Variants in OR51E2 observed in about 807,000 individuals in gnomAD.
OR51E2 encodes the protein olfactory receptor family 51 subfamily E member 2, also known as olfactory receptor 51E2.
Under a neutral mutation model 13.7 loss-of-function variants are expected in OR51E2, and 14 were observed. That is an observed-to-expected ratio of 1.02 (90% confidence interval 0.68 to 1.60). The LOEUF is 1.60. OR51E2 is among the 40% of genes most tolerant of loss of function. The pLI is 0.00. For synonymous variants in OR51E2, 180 were observed against 157.6 expected (o/e 1.14, Z -1.07); for missense variants, 483 against 413.8 (o/e 1.17, Z -1.45).
intron 1 of OR51E2, among the ~76,000 whole-genome samples, chr11:4,684,470 G>A (rs1046987922): frequency 2.0e-5 from 3 of 152,140 alleles, no homozygotes; most frequent in African/African-American, 7.2e-5. Context: ...CCTGAAGAGA[G>A]GTCAGATCAC....
chr11:4,682,879 C>T (rs1302303383), intron 1 of OR51E2, 118 bp from the exon 2 acceptor site: 1 of 648,656 alleles, frequency 1.5e-6, no homozygotes, highest in African/African-American at 1.8e-5. Context: ...GGCCCTCTTC[C>T]AAAGGCGGGA....
Position 4,681,697 on chromosome 11 carries a change from ATAATTATGTT to A in OR51E2, c.*42_*51del. On this transcript the variant is annotated 3_prime_UTR_variant, in exon 2 of 2. Transcript: ENST00000396950. ...AACTGGAAATAAGCTAGTGTTAGAA[ATAATTATGTT>A]TATCAAGCCAATAAAGATAAGGAGA... 1.3e-6 allele frequency: 2 copies of A among 1,595,754 alleles called. No individual in the cohort carries two copies. Among genetic ancestry groups the A allele is most frequent in the Non-Finnish European group, 1.7e-6 (2 of 1,166,668 alleles).
At chr11:4,693,324 A>G (rs1031034276) in intron 1 of OR51E2, among the ~76,000 whole-genome samples, 1 of 152,256 alleles carries the variant, frequency 6.6e-6, no homozygotes, top group Non-Finnish European at 1.5e-5. Flanking sequence ...GTAGGTTTGT[A>G]GTATTTGGAG....
At chr11:4,683,698 G>A (rs2133245474) in intron 1 of OR51E2, among the ~76,000 whole-genome samples, 1 of 152,306 alleles carries the variant, frequency 6.6e-6, no homozygotes, top group Non-Finnish European at 1.5e-5. Flanking sequence ...CCTGAAACTT[G>A]TGCCAACAAG....
At position 4,682,165 on chromosome 11, in the gene OR51E2, C is replaced by CA. The variant is rs745397963; in HGVS notation, c.546dup (p.Val183CysfsTer95). On this transcript the variant is annotated frameshift_variant, in exon 2 of 2. Coordinates refer to ENST00000396950, the MANE Select transcript of OR51E2 (RefSeq NM_030774.4). LOFTEE classifies it high-confidence loss of function. ...GTGTCTGCATAGGCCAACTTCATTA[C>CA]ATCCTGGTGGACACAATAGGAGTGC... 7.4e-6 allele frequency: 12 copies of CA among 1,614,118 alleles called. No homozygotes were observed. The highest frequency in any genetic ancestry group is 1.7e-5 in the Admixed American group (1 of 60,012).
intron 1 of OR51E2, chr11:4,691,761 T>A: frequency 3.0e-6 from 1 of 334,176 alleles, no homozygotes; most frequent in Non-Finnish European, 5.9e-6. Context: ...TACATTCATT[T>A]GTGTATTGAT....
chr11:4,681,946 C>A lies in OR51E2; in HGVS notation c.766G>T (p.Gly256Cys). 1 of 1,614,000 alleles carries A rather than the reference C, an allele frequency of 6.2e-7. No homozygotes were observed. Among genetic ancestry groups the A allele is most frequent in the Non-Finnish European group, 8.5e-7 (1 of 1,179,942 alleles). Reference sequence around the variant, plus strand: ...CCAAAGCGGTGTACCACTGAGAGGCCAATAAGTGGCACATAGAAGGCGAGT... The same window carrying A: ...CCAAAGCGGTGTACCACTGAGAGGCAAATAAGTGGCACATAGAAGGCGAGT... Reference protein sequence around the residue: ...VVLAFYVPLIGLSVVHRFGNS... With the variant: ...VVLAFYVPLICLSVVHRFGNS... Residue 256 changes from glycine to cysteine, a missense_variant, in exon 2 of 2, where the codon GGC becomes TGC. By Grantham distance (159) the Gly-to-Cys change is radical. Transcript: ENST00000396950.
chr11:4,692,563 T>C (rs752777640), intron 1 of OR51E2, among the ~76,000 whole-genome samples: 2 of 152,210 alleles, frequency 1.3e-5, no homozygotes, highest in South Asian at 2.1e-4. Flanking sequence ...AAACATCACA[T>C]TTCTTTTTTC....
intron 1 of OR51E2, among the ~76,000 whole-genome samples, chr11:4,693,503 C>T (rs898012643): frequency 6.6e-5 from 10 of 152,094 alleles, no homozygotes; most frequent in Non-Finnish European, 1.3e-4. Context: ...GGGCGGATCA[C>T]GAGGTCAGGA....
chr11:4,693,660 C>G (rs765134212), intron 1 of OR51E2, among the ~76,000 whole-genome samples: 7 of 152,072 alleles, frequency 4.6e-5, no homozygotes, highest in South Asian at 4.2e-4. Context: ...GGCGGAGCTT[C>G]CAGGTGAACC....
rs1216767037 is a variant in OR51E2 at position 4,680,403 on chromosome 11, TAG to T, written c.*1344_*1345del. The T allele has an allele frequency of 6.6e-6, 1 of 152,590 alleles. No individual in the cohort carries two copies. Among genetic ancestry groups the T allele is most frequent in the Non-Finnish European group, 1.5e-5 (1 of 68,042 alleles). 9.5% of individuals were successfully genotyped at this position (152,590 alleles called of 1,614,324 possible). ...TTATTCTGCATGTGTTGCCCACAAC[TAG>T]GGCAAGGTTATCTCTCATCACAAGT... On this transcript the variant is annotated 3_prime_UTR_variant, in exon 2 of 2. Coordinates refer to ENST00000396950, the MANE Select transcript of OR51E2 (RefSeq NM_030774.4).
At chr11:4,694,115 G>A (rs1370848932) in intron 1 of OR51E2, among the ~76,000 whole-genome samples, 2 of 152,048 alleles carry the variant, frequency 1.3e-5, no homozygotes, top group Non-Finnish European at 2.9e-5. Flanking sequence ...ATTGCTATTT[G>A]AATAATTTCT....
At chr11:4,688,243 G>C (rs934683031) in intron 1 of OR51E2, among the ~76,000 whole-genome samples, 5 of 152,164 alleles carry the variant, frequency 3.3e-5, no homozygotes, top group African/African-American at 1.2e-4. Flanking sequence ...GGAATTGAGG[G>C]AGAGGTGTTG....
chr11:4,693,036 C>G (rs780590864), intron 1 of OR51E2, among the ~76,000 whole-genome samples: 5 of 152,040 alleles, frequency 3.3e-5, no homozygotes, highest in Non-Finnish European at 7.3e-5. Flanking sequence ...ATGATCAAAC[C>G]TCTTAGAGAA....
rs774462623 is a variant in OR51E2 at position 4,682,615 on chromosome 11, T to C, written c.97A>G (p.Met33Val). 1.7e-5 allele frequency: 27 copies of C among 1,613,962 alleles called. No homozygotes were observed. Among genetic ancestry groups the C allele is most frequent in the Non-Finnish European group, 2.2e-5 (26 of 1,180,022 alleles). Residue 33 changes from methionine to valine, a missense_variant, in exon 2 of 2, where the codon ATG (methionine) becomes GTG (valine). Coordinates refer to ENST00000396950, the MANE Select transcript of OR51E2 (RefSeq NM_030774.4). ...HFWVGFPLLS[M>V]YVVAMFGNCI... ...TTTCCAAACATTGCCACTACATACA[T>C]GGAAAGGAGGGGGAAGCCAACCCAG... is the stretch of plus-strand genomic sequence containing the variant.
intron 1 of OR51E2, among the ~76,000 whole-genome samples, chr11:4,683,908 T>G (rs967171067): frequency 6.6e-6 from 1 of 152,236 alleles, no homozygotes; most frequent in Non-Finnish European, 1.5e-5. Context: ...TGGAAACAAA[T>G]GATGCAGTGT....
At chr11:4,688,584 T>G (rs1266412038) in intron 1 of OR51E2, among the ~76,000 whole-genome samples, 3 of 152,164 alleles carry the variant, frequency 2.0e-5, no homozygotes, top group African/African-American at 4.8e-5. Context: ...TGGGGTATAT[T>G]GAACTTGATC....
chr11:4,695,246 A>G (rs1475172791), intron 1 of OR51E2, among the ~76,000 whole-genome samples: 4 of 152,138 alleles, frequency 2.6e-5, no homozygotes, highest in African/African-American at 9.7e-5. Context: ...TAATAAATAA[A>G]TCATTTTCCA....
In OR51E2 at chr11:4,681,540, G is replaced by A. The variant is rs1387850178; in HGVS notation, c.*209C>T. 3.3e-5 allele frequency: 19 copies of A among 574,898 alleles called. No individual in the cohort carries two copies. Among genetic ancestry groups the A allele is most frequent in the Non-Finnish European group, 5.5e-5 (18 of 329,934 alleles). 35.6% of individuals were successfully genotyped at this position (574,898 alleles called of 1,614,324 possible). On this transcript the variant is annotated 3_prime_UTR_variant, in exon 2 of 2. Transcript: ENST00000396950. ...TTTCTTAATGTTATAAGCATGTTTG[G>A]TTTTATTGTAGTCTTTAAATCATGT... is the stretch of plus-strand genomic sequence containing the variant.
Sources: gnomAD v4.1 joint callset for allele counts (sites outside exome capture counted in the v4.1 genomes callset) on GRCh38, gnomAD v4.1.1 for gene constraint, MANE v1.5 for transcripts, NCBI Gene and HGNC (gene_info 2026-07-23, HGNC 2026-07-21) for gene names.